Variants in NAV3 observed in about 807,000 individuals in gnomAD.
NAV3 encodes the protein neuron navigator 3.
NAV3 carries 87 observed loss-of-function variants against 244.7 expected under a neutral mutation model. That is an observed-to-expected ratio of 0.36 (90% CI 0.30 to 0.42). The LOEUF (loss-of-function observed/expected upper bound fraction) is 0.42, where lower values mean the gene tolerates loss of function less well. NAV3 is among the 20% of genes least tolerant of loss of function. The pLI is 1.00. For missense variants in NAV3, 2,663 were observed against 2,893.3 expected (o/e 0.92, Z 1.83); for synonymous variants, 1,126 against 1,042.2 (o/e 1.08, Z -1.55).
chr12:77,980,201 C>A (rs754187421), intron 5 of NAV3, among the ~76,000 whole-genome samples: 3 of 152,028 alleles, frequency 2.0e-5, no homozygotes, highest in African/African-American at 7.2e-5. Context: ...ATAAGACAAC[C>A]GTAAGTTTCT....
intron 2 of NAV3, among the ~76,000 whole-genome samples, chr12:77,755,092 C>G (rs1482978418): frequency 1.3e-5 from 2 of 152,232 alleles, no homozygotes; most frequent in East Asian, 3.9e-4. Flanking sequence ...AGTGATGAAG[C>G]TCAGCCTACA....
intron 2 of NAV3, among the ~76,000 whole-genome samples, chr12:77,579,846 A>G (rs1761592707): frequency 6.6e-6 from 1 of 152,312 alleles, no homozygotes; most frequent in Admixed American, 6.5e-5. Flanking sequence ...TGGTTCTCGA[A>G]TCCGACACTT....
chr12:78,064,471 C>CT (rs977791314), intron 12 of NAV3, among the ~76,000 whole-genome samples: 11 of 151,954 alleles, frequency 7.2e-5, no homozygotes, highest in Admixed American at 7.2e-4. Flanking sequence ...GCCTGTCTGT[C>CT]TATATAGAGA....
At chr12:77,676,011 A>C (rs1159287397) in intron 2 of NAV3, among the ~76,000 whole-genome samples, 1 of 151,738 alleles carries the variant, frequency 6.6e-6, no homozygotes, top group Admixed American at 6.6e-5. Flanking sequence ...TTCCTCACCC[A>C]CCAGAAGGGC....
intron 31 of NAV3, among the ~76,000 whole-genome samples, chr12:78,186,689 C>A (rs4300429): frequency 6.6e-6 from 1 of 151,690 alleles, no homozygotes; most frequent in African/African-American, 2.4e-5. Flanking sequence ...ACACTTTTTT[C>A]TAAAAAAGCT....
At chr12:77,855,051 C>T (rs555452092) in intron 1 of NAV3, among the ~76,000 whole-genome samples, 2 of 152,254 alleles carry the variant, frequency 1.3e-5, no homozygotes, top group South Asian at 4.1e-4. Context: ...GGCCTGAACC[C>T]AGGAGGCGGA....
intron 2 of NAV3, among the ~76,000 whole-genome samples, chr12:77,774,432 C>T (rs189687582): frequency 1.3e-5 from 2 of 152,152 alleles, no homozygotes; most frequent in Admixed American, 6.5e-5. Flanking sequence ...AGGCACTTCT[C>T]GGAGGACATT....
chr12:77,806,761 T>C (rs547481771), intron 2 of NAV3, among the ~76,000 whole-genome samples: 4 of 152,304 alleles, frequency 2.6e-5, no homozygotes, highest in African/African-American at 9.6e-5. Context: ...ATATTGACAG[T>C]GGGTTGTTAA....
intron 12 of NAV3, among the ~76,000 whole-genome samples, chr12:78,081,368 C>T (rs1204070154): frequency 6.6e-6 from 1 of 152,030 alleles, no homozygotes; most frequent in East Asian, 1.9e-4. Context: ...CATGGAGAGC[C>T]CGGTGAAGGC....
intron 12 of NAV3, among the ~76,000 whole-genome samples, chr12:78,060,866 G>A (rs1289841271): frequency 1.4e-4 from 22 of 152,142 alleles, no homozygotes; most frequent in Admixed American, 1.2e-3. Context: ...CTAGTTTTTG[G>A]TAAAGGATGT....
At chr12:77,589,507 A>G (rs761641052) in intron 2 of NAV3, among the ~76,000 whole-genome samples, 6 of 152,196 alleles carry the variant, frequency 3.9e-5, no homozygotes, top group Non-Finnish European at 8.8e-5. Flanking sequence ...GCCTCAGGAA[A>G]CTTATGATCG....
chr12:77,777,148 C>A (rs1238841432), intron 2 of NAV3, among the ~76,000 whole-genome samples: 1 of 152,042 alleles, frequency 6.6e-6, no homozygotes, highest in Non-Finnish European at 1.5e-5. Context: ...AGCACCAAAC[C>A]CTATATATTT....
intron 2 of NAV3, among the ~76,000 whole-genome samples, chr12:77,694,787 A>G (rs545035530): frequency 9.8e-5 from 15 of 152,306 alleles, no homozygotes; most frequent in African/African-American, 3.6e-4. Context: ...GAACACAACA[A>G]GGATACCAGG....
At chr12:78,146,695 T>C (rs1956877211) in intron 21 of NAV3, among the ~76,000 whole-genome samples, 1 of 152,106 alleles carries the variant, frequency 6.6e-6, no homozygotes, top group African/African-American at 2.4e-5. Context: ...ATGGTCTTCC[T>C]ATTTTATTAC....
At chr12:77,895,278 A>T (rs1884447074) in intron 1 of NAV3, among the ~76,000 whole-genome samples, 1 of 151,502 alleles carries the variant, frequency 6.6e-6, no homozygotes, top group Non-Finnish European at 1.5e-5. Context: ...CTGTCAAAGG[A>T]CATTTTAATT....
intron 33 of NAV3, 124 bp from the exon 34 acceptor site, chr12:78,189,860 A>G (rs946740196): frequency 2.9e-6 from 2 of 685,408 alleles, no homozygotes; most frequent in Non-Finnish European, 4.9e-6. Context: ...AGAAATATCT[A>G]GGAAATTATT....
intron 3 of NAV3, among the ~76,000 whole-genome samples, chr12:77,963,532 A>G (rs1892219175): frequency 1.3e-5 from 2 of 152,190 alleles, no homozygotes; most frequent in Admixed American, 1.3e-4. Context: ...ATGCTGATAC[A>G]TTGTGAGAAA....
At chr12:77,982,916 A>G (rs948629197) in intron 5 of NAV3, among the ~76,000 whole-genome samples, 2 of 152,178 alleles carry the variant, frequency 1.3e-5, no homozygotes, top group African/African-American at 2.4e-5. Context: ...TACTTCTCAC[A>G]TGGTAGCTCT....
chr12:78,105,051 T>C (rs1954732180), intron 12 of NAV3, among the ~76,000 whole-genome samples: 1 of 152,164 alleles, frequency 6.6e-6, no homozygotes, highest in South Asian at 2.1e-4. Context: ...ATTCAAATAA[T>C]TTTAAAATAT....
Sources: allele counts gnomAD v4.1 joint callset (sites outside exome capture counted in the v4.1 genomes callset), GRCh38; gene constraint gnomAD v4.1.1; transcripts MANE v1.5; gene names NCBI Gene and HGNC (gene_info 2026-07-23, HGNC 2026-07-21).